The following SMARCA4 variants were observed in gnomAD, a reference collection of about 807,000 sequenced individuals.
The protein encoded by SMARCA4 is SWI/SNF-related matrix-associated actin-dependent regulator of chromatin subfamily A member 4.
Under a neutral mutation model 193.9 loss-of-function variants are expected in SMARCA4, and 31 were observed. The ratio of observed to expected loss-of-function variants is 0.16; its 90% confidence interval spans 0.12 to 0.22. The LOEUF (loss-of-function observed/expected upper bound fraction) is 0.22, where lower values mean the gene tolerates loss of function less well. Among genes scored for constraint, SMARCA4 ranks in the 10% least tolerant of loss-of-function variants. SMARCA4 has a pLI of 1.00. For synonymous variants in SMARCA4, 942 were observed against 933.1 expected, an observed-to-expected ratio of 1.01 and a Z score of -0.17; for missense variants, 1,148 against 2,296.0, an observed-to-expected ratio of 0.50 and a Z score of 10.22.
chr19:10,995,937 T>G, intron 9 of SMARCA4: 1 of 512,096 alleles, frequency 2.0e-6, no homozygotes, highest in Non-Finnish European at 3.6e-6. Flanking sequence ...GTTTGGGGTG[T>G]ATTTCGTGGA....
In SMARCA4 at chr19:10,973,623, G is replaced by A. The variant is rs1157094973; in HGVS notation, c.-31-10498G>A. On this transcript the variant is annotated intron_variant, in intron 1 of 34. Transcript: ENST00000344626. ...CTTGCTCTGTCACCCAGGCTGGAGTGCAGTGGCATGATCTTGGCTCACTGC... is the reference window on the plus strand; with the variant it reads ...CTTGCTCTGTCACCCAGGCTGGAGTACAGTGGCATGATCTTGGCTCACTGC... Among the ~76,000 whole-genome samples the A allele has an allele frequency of 2.1e-5, 3 of 143,414 alleles. No homozygotes were observed. The South Asian group carries it at 6.6e-4, about 31-fold the overall frequency. The allele number at this position is 143,414 out of a possible 152,430, so 94.1% of individuals were successfully genotyped here.
intron 1 of SMARCA4, among the ~76,000 whole-genome samples, chr19:10,978,298 G>A (rs2085299086): frequency 6.6e-6 from 1 of 152,116 alleles, no homozygotes; most frequent in Admixed American, 6.5e-5. Context: ...CAAACTTGAT[G>A]AACTGGCCTT....
At chr19:11,008,578 A>G (rs1217467045) in intron 14 of SMARCA4, among the ~76,000 whole-genome samples, 1 of 152,170 alleles carries the variant, frequency 6.6e-6, no homozygotes, top group Non-Finnish European at 1.5e-5. Flanking sequence ...TTTGGTGACA[A>G]GCGTTTAGGT....
intron 34 of SMARCA4, chr19:11,060,497 G>A (rs913599802): frequency 2.9e-5 from 15 of 508,792 alleles, no homozygotes; most frequent in East Asian, 1.1e-4. Context: ...GGCTGAGGCC[G>A]GGCAGGCCAG....
intron 29 of SMARCA4, among the ~76,000 whole-genome samples, chr19:11,037,186 G>C (rs753492141): frequency 5.9e-5 from 9 of 152,188 alleles, no homozygotes; most frequent in South Asian, 4.1e-4. Context: ...TAGGCGTAGA[G>C]TTGCCGGAAC....
At position 11,023,498 on chromosome 19, in the gene SMARCA4, C is replaced by T. The variant is rs753093920; in HGVS notation, c.2860-20C>T. On this transcript the variant is annotated intron_variant, in intron 19 of 34. Coordinates refer to ENST00000344626, the MANE Select transcript of SMARCA4 (RefSeq NM_003072.5). ...TCCTTTGGAGGTAACGCTTGCTTCTCCTGTCTTGGGGGCTTCCAGGTGGAC... is the reference window on the plus strand; with the variant it reads ...TCCTTTGGAGGTAACGCTTGCTTCTTCTGTCTTGGGGGCTTCCAGGTGGAC... The T allele has an allele frequency of 4.6e-5, 69 of 1,509,316 alleles. No homozygotes were observed. In the Middle Eastern group the frequency reaches 1.0e-3, roughly 22 times the overall value. 93.5% of individuals were successfully genotyped at this position (1,509,316 alleles called of 1,614,324 possible).
intron 1 of SMARCA4, among the ~76,000 whole-genome samples, chr19:10,978,161 G>C (rs2085290597): frequency 6.6e-6 from 1 of 152,188 alleles, no homozygotes. Flanking sequence ...GTAAATCACA[G>C]GGAGGTGAAG....
chr19:10,961,750 C>G (rs1374734250), intron 1 of SMARCA4: 2 of 152,218 alleles, frequency 1.3e-5, no homozygotes. Flanking sequence ...CCCCCGATGC[C>G]TTGCAGTTAG....
chr19:10,984,149 A>G lies in SMARCA4; in HGVS notation c.-3A>G, dbSNP rs1599927895. On this transcript the variant is annotated 5_prime_UTR_variant, in exon 2 of 35. Transcript: ENST00000344626. The surrounding 1 kb of genome is among the most constrained non-coding windows in gnomAD (Gnocchi z 4.3). ...GAGGCCACTGTCTGCAGCTCCCGTG[A>G]AGATGTCCACTCCAGACCCACCCCT... 2 of 1,613,504 alleles carry G rather than the reference A, an allele frequency of 1.2e-6. No individual in the cohort carries two copies. The highest frequency in any genetic ancestry group is 8.5e-7 in the Non-Finnish European group (1 of 1,179,932).
In SMARCA4 at chr19:10,987,479, G is replaced by A. The variant is rs571236932; in HGVS notation, c.860-187G>A. ...CCCAGTGGAGGGTGTGAAGGACGAG[G>A]GTGAGGCTGAGATCTGGAGGAGGTT... On this transcript the variant is annotated intron_variant, in intron 5 of 34. Coordinates refer to ENST00000344626, the MANE Select transcript of SMARCA4 (RefSeq NM_003072.5). The surrounding 1 kb of genome is among the most constrained non-coding windows in gnomAD (Gnocchi z 5.3). Among the ~76,000 whole-genome samples, 7 of 152,310 alleles carry A rather than the reference G, an allele frequency of 4.6e-5. No individual in the cohort carries two copies. The highest frequency in any genetic ancestry group is 1.4e-4 in the African/African-American group (6 of 41,574).
chr19:11,033,691 G>GTT lies in SMARCA4; in HGVS notation c.3775-68_3775-67dup. ...GAGTACTTGCTTTTTCTTTGAAGTG[G>GTT]TTTTTTTTTCTAAACTGCTGGTGAA... On this transcript the variant is annotated intron_variant, in intron 26 of 34. Coordinates refer to ENST00000344626, the MANE Select transcript of SMARCA4 (RefSeq NM_003072.5). The surrounding 1 kb of genome is among the most constrained non-coding windows in gnomAD (Gnocchi z 9.8). 1 of 775,152 alleles carries GTT rather than the reference G, an allele frequency of 1.3e-6. No individual in the cohort carries two copies. 48.0% of individuals were successfully genotyped at this position (775,152 alleles called of 1,614,324 possible).
At position 11,057,475 on chromosome 19, in the gene SMARCA4, A is replaced by G. The variant is rs1259513487; in HGVS notation, c.4425-780A>G. Among the ~76,000 whole-genome samples, 3 of 152,216 alleles carry G rather than the reference A, an allele frequency of 2.0e-5. No individual in the cohort carries two copies. In the East Asian group the frequency reaches 5.8e-4, roughly 29 times the overall value. On this transcript the variant is annotated intron_variant, in intron 30 of 34. Transcript: ENST00000344626. ...GCCGGCTGCAGTGGCTTCTGCCTCT[A>G]ATCCCAGCACTTCGGGAGGCCAAGG...
chr19:10,996,095 G>C (rs2087012808), intron 9 of SMARCA4, 118 bp from the exon 10 acceptor site: 1 of 967,020 alleles, frequency 1.0e-6, no homozygotes, highest in African/African-American at 1.6e-5. Context: ...AGGGCTGGTG[G>C]CACGGCACCC....
intron 30 of SMARCA4, among the ~76,000 whole-genome samples, chr19:11,043,259 A>G (rs1160589313): frequency 6.6e-6 from 1 of 152,220 alleles, no homozygotes; most frequent in Non-Finnish European, 1.5e-5. Context: ...AGTGCACTCC[A>G]GCCTGGGGGA....
At chr19:10,971,486 G>T (rs1599830494) in intron 1 of SMARCA4, among the ~76,000 whole-genome samples, 1 of 146,256 alleles carries the variant, frequency 6.8e-6, no homozygotes, top group South Asian at 2.2e-4. Flanking sequence ...ATGTGACATT[G>T]TGTCTTTTTT....
chr19:11,026,888 A>T (rs1489896347), intron 23 of SMARCA4, among the ~76,000 whole-genome samples: 1 of 152,012 alleles, frequency 6.6e-6, no homozygotes, highest in Non-Finnish European at 1.5e-5. Context: ...TACAGATCCC[A>T]CTCTGCCGCC....
chr19:10,989,210 A>T, intron 6 of SMARCA4, 107 bp from the exon 7 acceptor site: 2 of 1,406,066 alleles, frequency 1.4e-6, no homozygotes, highest in Admixed American at 3.4e-5. Context: ...CTCTTGCCTC[A>T]TGACTAGTGC....
intron 30 of SMARCA4, among the ~76,000 whole-genome samples, chr19:11,043,994 CAAAA>C (rs1407527518): frequency 1.3e-5 from 2 of 151,956 alleles, no homozygotes; most frequent in African/African-American, 4.8e-5. Context: ...AAAACAAAAA[CAAAA>C]AAAGGGAATT....
chr19:10,978,081 G>T (rs1193889405), intron 1 of SMARCA4, among the ~76,000 whole-genome samples: 24 of 152,194 alleles, frequency 1.6e-4, no homozygotes. Flanking sequence ...CAAGTAGGCT[G>T]AGGCCCCTAC....
Sources: gnomAD v4.1 joint callset for allele counts (sites outside exome capture counted in the v4.1 genomes callset) on GRCh38, gnomAD v4.1.1 for gene constraint, Gnocchi (gnomAD v3.1) non-coding constraint, MANE v1.5 for transcripts, NCBI Gene and HGNC (gene_info 2026-07-23, HGNC 2026-07-21) for gene names.